The following ZFPM2 variants were observed in gnomAD, a reference collection of about 807,000 sequenced individuals.
The protein encoded by ZFPM2 is zinc finger protein ZFPM2.
ZFPM2 carries 20 observed loss-of-function variants against 98.6 expected under a neutral mutation model. That is an observed-to-expected ratio of 0.20 (90% CI 0.14 to 0.29). The LOEUF is 0.29. Among genes scored for constraint, ZFPM2 ranks in the 10% least tolerant of loss-of-function variants. The pLI, the probability that ZFPM2 is intolerant of heterozygous loss-of-function variation, is 1.00. For missense variants in ZFPM2, 1,310 were observed against 1,388.6 expected, an observed-to-expected ratio of 0.94 and a Z score of 0.90; for synonymous variants, 518 against 502.7, an observed-to-expected ratio of 1.03 and a Z score of -0.41.
chr8:105,507,972 A>C (rs1334199564), intron 3 of ZFPM2, among the ~76,000 whole-genome samples: 2 of 152,192 alleles, frequency 1.3e-5, no homozygotes, highest in Non-Finnish European at 2.9e-5. Context: ...TTATTGGAGA[A>C]GAAAAAGTTC....
intron 5 of ZFPM2, among the ~76,000 whole-genome samples, chr8:105,735,050 A>T (rs1390674939): frequency 6.7e-6 from 1 of 148,736 alleles, no homozygotes; most frequent in Non-Finnish European, 1.5e-5. Context: ...ATTCCTTTTA[A>T]TGGCAAAAAC....
At chr8:105,580,823 C>A (rs71506376) in intron 4 of ZFPM2, among the ~76,000 whole-genome samples, 14,762 of 128,156 alleles carry the variant, frequency 0.12, 888 homozygotes, top group East Asian at 0.26. Context: ...CTCTCTCTCT[C>A]TCTCTATATA....
chr8:105,465,068 G>T (rs1762786222), intron 3 of ZFPM2, among the ~76,000 whole-genome samples: 1 of 151,292 alleles, frequency 6.6e-6, no homozygotes, highest in Non-Finnish European at 1.5e-5. Context: ...TCTTGATTTT[G>T]CCCTTTGAGG....
At chr8:105,781,220 A>AGTC (rs1256423477) in intron 5 of ZFPM2, among the ~76,000 whole-genome samples, 1 of 152,188 alleles carries the variant, frequency 6.6e-6, no homozygotes, top group East Asian at 1.9e-4. Flanking sequence ...CAAGATCGCC[A>AGTC]GTCAGTGCTT....
chr8:105,693,336 C>T (rs571242383), intron 5 of ZFPM2, among the ~76,000 whole-genome samples: 13 of 152,300 alleles, frequency 8.5e-5, no homozygotes, highest in African/African-American at 3.1e-4. Flanking sequence ...GCAGGCTATT[C>T]CGCAGCTTGT....
chr8:105,469,612 T>A (rs1474567011), intron 3 of ZFPM2, among the ~76,000 whole-genome samples: 3 of 152,194 alleles, frequency 2.0e-5, no homozygotes, highest in Non-Finnish European at 4.4e-5. Context: ...TTTGAGCAAG[T>A]CCCTTAATCT....
Position 105,656,850 on chromosome 8 carries a change from T to C in ZFPM2, c.532+22493T>C, listed in dbSNP as rs1255003942. 3.3e-5 allele frequency among the ~76,000 whole-genome samples: 5 copies of C among 152,178 alleles called. No individual in the cohort carries two copies. The South Asian group carries it at 1.0e-3, about 32-fold the overall frequency. ...TTCTGATTCCTGATTCTGATTCCAG[T>C]ATATAGAATACTTGATTCTAGAATA... On this transcript the variant is annotated intron_variant, in intron 5 of 7. Transcript: ENST00000407775.
At chr8:105,694,639 A>G (rs1433294159) in intron 5 of ZFPM2, among the ~76,000 whole-genome samples, 2 of 152,190 alleles carry the variant, frequency 1.3e-5, no homozygotes, top group African/African-American at 2.4e-5. Flanking sequence ...GATGAATTGG[A>G]TATTTCTGAG....
At chr8:105,761,623 G>A (rs535582172) in intron 5 of ZFPM2, among the ~76,000 whole-genome samples, 18 of 151,646 alleles carry the variant, frequency 1.2e-4, no homozygotes, top group African/African-American at 4.1e-4. Context: ...TCCTTCTAAC[G>A]TCTCTTTAGA....
chr8:105,532,648 T>A (rs1179324723), intron 3 of ZFPM2, among the ~76,000 whole-genome samples: 1 of 152,188 alleles, frequency 6.6e-6, no homozygotes, highest in Non-Finnish European at 1.5e-5. Context: ...AACTTTCTTT[T>A]GGAATAAAAA....
intron 2 of ZFPM2, among the ~76,000 whole-genome samples, chr8:105,431,526 C>G (rs1363882199): frequency 6.6e-6 from 1 of 151,998 alleles, no homozygotes; most frequent in African/African-American, 2.4e-5. Context: ...TAGAATTTAC[C>G]TTATAGTGGG....
chr8:105,320,296 G>GTGTGTGTGTGTC (rs1554594127), intron 1 of ZFPM2, among the ~76,000 whole-genome samples: 1 of 151,120 alleles, frequency 6.6e-6, no homozygotes, highest in South Asian at 2.1e-4. Flanking sequence ...GTGTGTGTGT[G>GTGTGTGTGTGTC]TGTCTGCTAC....
At chr8:105,768,940 C>T (rs917047206) in intron 5 of ZFPM2, among the ~76,000 whole-genome samples, 1 of 151,890 alleles carries the variant, frequency 6.6e-6, no homozygotes. Flanking sequence ...GAAACCCCCC[C>T]ATGGTTCCTA....
At chr8:105,478,510 C>T (rs530951839) in intron 3 of ZFPM2, among the ~76,000 whole-genome samples, 1 of 152,294 alleles carries the variant, frequency 6.6e-6, no homozygotes, top group East Asian at 1.9e-4. Context: ...AATACATCTC[C>T]TAATGGTCCT....
intron 5 of ZFPM2, among the ~76,000 whole-genome samples, chr8:105,641,295 T>C (rs1389846599): frequency 6.6e-6 from 1 of 152,070 alleles, no homozygotes; most frequent in Non-Finnish European, 1.5e-5. Context: ...TTATTAATGA[T>C]GGTGGTATAA....
intron 3 of ZFPM2, among the ~76,000 whole-genome samples, chr8:105,511,788 C>T (rs1813822930): frequency 6.6e-6 from 1 of 152,096 alleles, no homozygotes; most frequent in African/African-American, 2.4e-5. Context: ...CAGTTCAGAC[C>T]AAACCAGTAA....
chr8:105,421,129 C>T (rs757155850), intron 2 of ZFPM2, among the ~76,000 whole-genome samples: 3 of 151,976 alleles, frequency 2.0e-5, no homozygotes, highest in Non-Finnish European at 4.4e-5. Context: ...GACAGTCACT[C>T]CAGCTATACT....
At chr8:105,466,556 T>A (rs1251957576) in intron 3 of ZFPM2, among the ~76,000 whole-genome samples, 1 of 152,086 alleles carries the variant, frequency 6.6e-6, no homozygotes. Context: ...TCACAAAACA[T>A]ACTTTTCGTT....
intron 5 of ZFPM2, among the ~76,000 whole-genome samples, chr8:105,717,847 A>C (rs1422844103): frequency 6.6e-6 from 1 of 151,854 alleles, no homozygotes; most frequent in Non-Finnish European, 1.5e-5. Context: ...ATGTAAATGT[A>C]GTATCCCCAA....
Sources: allele counts gnomAD v4.1 joint callset (sites outside exome capture counted in the v4.1 genomes callset), GRCh38; gene constraint gnomAD v4.1.1; transcripts MANE v1.5; gene names NCBI Gene and HGNC (gene_info 2026-07-23, HGNC 2026-07-21).